UBE2V2: variants seen among roughly 807,000 people sequenced by gnomAD.
The protein encoded by UBE2V2 is ubiquitin-conjugating enzyme E2 variant 2.
A neutral mutation model predicts 17.2 loss-of-function variants in UBE2V2; 9 were observed. That is an observed-to-expected ratio of 0.52 (90% confidence interval 0.32 to 0.91). The LOEUF is 0.91. Among genes scored for constraint, UBE2V2 ranks in the 40% least tolerant of loss-of-function variants. The probability of loss-of-function intolerance (pLI) is 0.04; values close to 1 mark genes in which losing one functional copy is unlikely to be tolerated. For synonymous variants in UBE2V2, 61 were observed against 57.5 expected, an observed-to-expected ratio of 1.06 and a Z score of -0.28; for missense variants, 133 against 182.6, an observed-to-expected ratio of 0.73 and a Z score of 1.56.
At chr8:48,008,598 C>T (rs1324233258) in intron 1 of UBE2V2, 128 bp downstream of exon 1, 4 of 1,362,000 alleles carry the variant, frequency 2.9e-6, no homozygotes, top group East Asian at 3.2e-5. Context: ...GCCGCGCTCT[C>T]CGCAGAGCGT....
upstream of UBE2V2, among the ~76,000 whole-genome samples, chr8:48,004,333 A>G (rs1298050630): frequency 6.6e-6 from 1 of 152,104 alleles, no homozygotes; most frequent in Non-Finnish European, 1.5e-5. Flanking sequence ...AAACTTGGGG[A>G]AAGTTTAATA....
rs1670925925 is a variant in UBE2V2, at chr8:48,030,837, C to G, written c.17-12196C>G. 8.5e-5 allele frequency among the ~76,000 whole-genome samples: 13 copies of G among 152,180 alleles called. No homozygotes were observed. The South Asian group carries it at 2.7e-3, about 32-fold the overall frequency. On this transcript the variant is annotated intron_variant, in intron 1 of 3. Coordinates refer to ENST00000523111, the MANE Select transcript of UBE2V2 (RefSeq NM_003350.3). ...AGGAGTTTGAGACCAGCTTGGCCAA[C>G]ACGGTGAAACCCCGTCTCTACTAAA...
chr8:48,042,746 A>G (rs1433995246), intron 1 of UBE2V2: 1 of 213,938 alleles, frequency 4.7e-6, no homozygotes, highest in Admixed American at 5.6e-5. Flanking sequence ...TCAAATAGGG[A>G]AAACGATTTC....
intron 1 of UBE2V2, among the ~76,000 whole-genome samples, chr8:48,011,903 C>T (rs764410677): frequency 5.9e-5 from 9 of 152,158 alleles, no homozygotes; most frequent in Admixed American, 3.3e-4. Context: ...CCCTCCTGCC[C>T]TGGCCTGAGG....
At chr8:48,028,559 A>G (rs2091361770) in intron 1 of UBE2V2, among the ~76,000 whole-genome samples, 1 of 152,044 alleles carries the variant, frequency 6.6e-6, no homozygotes, top group Admixed American at 6.6e-5. Context: ...GCTAATCTCG[A>G]ACTCCTGACC....
intron 3 of UBE2V2, among the ~76,000 whole-genome samples, chr8:48,056,752 C>T (rs1208175463): frequency 6.6e-6 from 1 of 152,110 alleles, no homozygotes; most frequent in African/African-American, 2.4e-5. Context: ...GAGACAGAGT[C>T]TTGCTGTGCC....
chr8:47,998,912 G>C, the UBE2V2 span, among the ~76,000 whole-genome samples: 3 of 152,160 alleles, frequency 2.0e-5, no homozygotes, highest in Non-Finnish European at 4.4e-5. Flanking sequence ...AAAGTAGCTT[G>C]AGGGAGTTCT....
intron 1 of UBE2V2, among the ~76,000 whole-genome samples, chr8:48,021,599 C>G (rs2091306402): frequency 6.6e-6 from 1 of 152,078 alleles, no homozygotes. Context: ...AGCCACTGCG[C>G]CCGGCCGGTC....
intron 1 of UBE2V2, among the ~76,000 whole-genome samples, chr8:48,009,688 T>G (rs1211282614): frequency 6.6e-6 from 1 of 152,254 alleles, no homozygotes; most frequent in African/African-American, 2.4e-5. Context: ...TGGAAGGCTT[T>G]GAATATATGT....
At chr8:48,045,878 G>A (rs1015906174) in intron 2 of UBE2V2, among the ~76,000 whole-genome samples, 1 of 152,170 alleles carries the variant, frequency 6.6e-6, no homozygotes, top group Non-Finnish European at 1.5e-5. Flanking sequence ...CTTAGAAGGT[G>A]CAATGTTGAG....
chr8:48,024,368 G>A (rs1056111692), intron 1 of UBE2V2, among the ~76,000 whole-genome samples: 1 of 152,074 alleles, frequency 6.6e-6, no homozygotes, highest in Admixed American at 6.6e-5. Flanking sequence ...GGCCAGGGTA[G>A]GTGGATCACC....
chr8:48,045,521 G>T (rs1438380822), intron 2 of UBE2V2, among the ~76,000 whole-genome samples: 1 of 152,152 alleles, frequency 6.6e-6, no homozygotes, highest in African/African-American at 2.4e-5. Flanking sequence ...CTACTTCGTG[G>T]GGAGGTCAGC....
intron 3 of UBE2V2, 113 bp from the exon 4 acceptor site, chr8:48,060,569 A>G: frequency 2.0e-6 from 2 of 1,010,330 alleles, no homozygotes; most frequent in Non-Finnish European, 2.7e-6. Flanking sequence ...GTTTTGTGAA[A>G]ATAGAGGCAA....
intron 1 of UBE2V2, among the ~76,000 whole-genome samples, chr8:48,019,763 C>G (rs13264228): frequency 1.3e-5 from 2 of 151,552 alleles, no homozygotes; most frequent in Non-Finnish European, 2.9e-5. Flanking sequence ...TGCAGTGAGC[C>G]GAGATTGCGC....
intron 2 of UBE2V2, among the ~76,000 whole-genome samples, chr8:48,045,671 C>T (rs948175692): frequency 6.6e-6 from 1 of 152,134 alleles, no homozygotes; most frequent in African/African-American, 2.4e-5. Context: ...CCCTCACTTC[C>T]TTTGAGTGCC....
rs559326917 is a variant in UBE2V2 at position 48,060,765 on chromosome 8, A to C, written c.375A>C (p.Leu125=). 2 of 1,573,920 alleles carry C rather than the reference A, an allele frequency of 1.3e-6. No homozygotes were observed. The highest frequency in any genetic ancestry group is 1.7e-6 in the Non-Finnish European group (2 of 1,162,582). The change falls in exon 4 of 4, where the codon CTA becomes CTC. Residue 125 remains leucine, a synonymous_variant. Transcript: ENST00000523111. ...IKVVLQELRR[L]MMSKENMKLP... is the part of the protein sequence containing the mutation. ...TTGTACTTCAAGAGCTAAGACGTCT[A>C]ATGATGTCCAAAGAAAATATGAAGC...
At chr8:48,006,773 A>G (rs1289457058), upstream of UBE2V2, among the ~76,000 whole-genome samples, 1 of 152,188 alleles carries the variant, frequency 6.6e-6, no homozygotes, top group East Asian at 1.9e-4. Flanking sequence ...TAAACTAGGC[A>G]TTGATGGAAT....
At chr8:47,999,795 G>C in the UBE2V2 span, among the ~76,000 whole-genome samples, 1 of 152,166 alleles carries the variant, frequency 6.6e-6, no homozygotes, top group East Asian at 1.9e-4. Flanking sequence ...AGCTTTATAC[G>C]GTCGGGAGCA....
chr8:48,019,818 A>G (rs2091292871), intron 1 of UBE2V2, among the ~76,000 whole-genome samples: 1 of 151,836 alleles, frequency 6.6e-6, no homozygotes, highest in Non-Finnish European at 1.5e-5. Flanking sequence ...CCGTTTCAAA[A>G]AAAAAAATTA....
Sources: gnomAD v4.1 joint callset for allele counts (sites outside exome capture counted in the v4.1 genomes callset) on GRCh38, gnomAD v4.1.1 for gene constraint, MANE v1.5 for transcripts, NCBI Gene and HGNC (gene_info 2026-07-23, HGNC 2026-07-21) for gene names.